EFCAB7: variants seen among roughly 807,000 people sequenced by gnomAD.
EFCAB7 encodes EF-hand calcium binding domain 7.
Under a neutral mutation model 77.1 loss-of-function variants are expected in EFCAB7, and 66 were observed. That is an observed-to-expected ratio of 0.86 (90% CI 0.70 to 1.05). The LOEUF (loss-of-function observed/expected upper bound fraction) is 1.05, where lower values mean the gene tolerates loss of function less well. Ranked by LOEUF, EFCAB7 falls within the 50% of genes least tolerant of loss-of-function variation. The probability of loss-of-function intolerance (pLI) is 0.00; values close to 1 mark genes in which losing one functional copy is unlikely to be tolerated. For synonymous variants in EFCAB7, 225 were observed against 243.3 expected (o/e 0.92, Z 0.70); for missense variants, 638 against 730.5 (o/e 0.87, Z 1.46).
intron 12 of EFCAB7, chr1:63,569,146 C>T (rs926135335): frequency 1.3e-5 from 2 of 152,172 alleles, no homozygotes; most frequent in African/African-American, 4.8e-5. Context: ...GCTAGGTGCT[C>T]AGTACTGTTG....
chr1:63,573,473 T>A (rs1647325300), downstream of EFCAB7, among the ~76,000 whole-genome samples: 1 of 152,136 alleles, frequency 6.6e-6, no homozygotes, highest in East Asian at 1.9e-4. Flanking sequence ...CCAAGGAGGT[T>A]CAGCATAGCC....
At chr1:63,525,156 C>G (rs72679079) in intron 1 of EFCAB7, among the ~76,000 whole-genome samples, 2,809 of 152,226 alleles carry the variant, frequency 0.018, 36 homozygotes, top group Middle Eastern at 0.041. Flanking sequence ...CATGTATTAA[C>G]TGATTTGCTC....
intron 3 of EFCAB7, 124 bp downstream of exon 3, chr1:63,532,155 A>G: frequency 1.4e-6 from 1 of 707,020 alleles, no homozygotes; most frequent in Non-Finnish European, 2.4e-6. Flanking sequence ...AATTACTTAC[A>G]TGTTATTTAT....
intron 11 of EFCAB7, among the ~76,000 whole-genome samples, chr1:63,562,476 TATATATATATATATATATAA>T (rs1647118393): frequency 1.9e-5 from 2 of 107,748 alleles, no homozygotes; most frequent in African/African-American, 9.1e-5. Context: ...TATATATATA[TATATATATATATATATATAA>T]AACTTTTTTT....
At chr1:63,579,216 C>T in the EFCAB7 span, among the ~76,000 whole-genome samples, 1 of 152,172 alleles carries the variant, frequency 6.6e-6, no homozygotes, top group Non-Finnish European at 1.5e-5. Context: ...GTCACATCCC[C>T]ATGACCTTAC....
Position 63,533,437 on chromosome 1 carries a change from C to T in EFCAB7, c.487-17C>T. 6.5e-7 allele frequency: 1 copy of T among 1,548,588 alleles called. No individual in the cohort carries two copies. The highest frequency in any genetic ancestry group is 1.4e-5 in the African/African-American group (1 of 72,076). ...ATGATTGAATGTTTTACCCACTGGACTTTTTTTTTCCTGTAGTTTTGTAAA... is the reference window on the plus strand; with the variant it reads ...ATGATTGAATGTTTTACCCACTGGATTTTTTTTTTCCTGTAGTTTTGTAAA... On this transcript the variant is annotated splice_polypyrimidine_tract_variant and intron_variant, in intron 4 of 13. Coordinates refer to ENST00000371088, the MANE Select transcript of EFCAB7 (RefSeq NM_032437.4).
At chr1:63,554,153 A>C (rs1433750381) in intron 8 of EFCAB7, among the ~76,000 whole-genome samples, 1 of 152,012 alleles carries the variant, frequency 6.6e-6, no homozygotes, top group East Asian at 1.9e-4. Flanking sequence ...GAATTTTTGG[A>C]CATAATACGT....
chr1:63,541,651 G>A (rs946566360), intron 6 of EFCAB7, among the ~76,000 whole-genome samples: 7 of 151,724 alleles, frequency 4.6e-5, no homozygotes, highest in African/African-American at 1.5e-4. Flanking sequence ...TGCAACCTCC[G>A]CCTCCCGGTT....
intron 10 of EFCAB7, among the ~76,000 whole-genome samples, chr1:63,557,531 C>T (rs1300121863): frequency 2.6e-5 from 4 of 152,094 alleles, no homozygotes; most frequent in Non-Finnish European, 2.9e-5. Flanking sequence ...CTTGTCCTTG[C>T]GCTTGATACC....
chr1:63,571,411 C>T (rs1460256470), intron 13 of EFCAB7, among the ~76,000 whole-genome samples: 5 of 152,014 alleles, frequency 3.3e-5, no homozygotes, highest in South Asian at 2.1e-4. Flanking sequence ...CGGTGGCTCA[C>T]GCCTGTAATC....
intron 10 of EFCAB7, among the ~76,000 whole-genome samples, chr1:63,557,503 G>A (rs984629375): frequency 2.0e-5 from 3 of 152,088 alleles, no homozygotes; most frequent in African/African-American, 7.2e-5. Context: ...TACTCTTCGG[G>A]GTTTAGAAGA....
In EFCAB7 at chr1:63,551,944, T is replaced by A. The variant is rs1011565617; in HGVS notation, c.1056+110T>A. The A allele has an allele frequency of 4.3e-5, 20 of 464,892 alleles. No individual in the cohort carries two copies. In the South Asian group the frequency reaches 1.1e-3, roughly 25 times the overall value. The allele number at this position is 464,892 out of a possible 1,614,324, so 28.8% of individuals were successfully genotyped here. A position where few individuals can be genotyped will look rare whatever the true frequency, so the allele number is the denominator to read the frequency against. ...TTTAAGCTTTCATATACCTTCCAAT[T>A]AAGGTATAAACAGCACTTAAACACT... is the stretch of plus-strand genomic sequence containing the variant. On this transcript the variant is annotated intron_variant, in intron 8 of 13. Coordinates refer to ENST00000371088, the MANE Select transcript of EFCAB7 (RefSeq NM_032437.4).
the EFCAB7 span, among the ~76,000 whole-genome samples, chr1:63,577,862 G>A: frequency 6.6e-6 from 1 of 152,176 alleles, no homozygotes; most frequent in Non-Finnish European, 1.5e-5. Flanking sequence ...GTAGATGAAA[G>A]TAGATGAAAA....
At chr1:63,568,637 A>AAACATTAT in intron 12 of EFCAB7, 118 bp downstream of exon 12, 1 of 690,048 alleles carries the variant, frequency 1.4e-6, no homozygotes, top group Non-Finnish European at 2.2e-6. Context: ...AATAATGTTT[A>AAACATTAT]TAATGCATAA....
intron 3 of EFCAB7, 99 bp downstream of exon 3, chr1:63,532,130 TTGAGAGGTTAAA>T: frequency 1.2e-6 from 1 of 852,386 alleles, no homozygotes; most frequent in Admixed American, 2.7e-5. Context: ...AAGTATTTCA[TTGAGAGGTTAAA>T]TGAATTACTT....
the EFCAB7 span, among the ~76,000 whole-genome samples, chr1:63,581,062 C>CT: frequency 6.6e-6 from 1 of 151,798 alleles, no homozygotes; most frequent in Admixed American, 6.6e-5. Context: ...CCTTTTATGT[C>CT]TTTTTTCTTG....
At chr1:63,528,997 T>G (rs956371395) in intron 2 of EFCAB7, 1 of 152,170 alleles carries the variant, frequency 6.6e-6, no homozygotes, top group Non-Finnish European at 1.5e-5. Context: ...TACATCTACT[T>G]GTATTCCCAG....
chr1:63,549,326 A>AG, intron 7 of EFCAB7: 1 of 470,344 alleles, frequency 2.1e-6, no homozygotes, highest in Non-Finnish European at 4.4e-6. Context: ...GTCTTTTGAA[A>AG]GGTGTACTGC....
intron 10 of EFCAB7, among the ~76,000 whole-genome samples, chr1:63,560,102 G>A (rs979220441): frequency 3.3e-5 from 5 of 151,838 alleles, no homozygotes; most frequent in African/African-American, 7.3e-5. Context: ...ACAGGTACCC[G>A]CCACCACGCC....
Sources: allele counts gnomAD v4.1 joint callset (sites outside exome capture counted in the v4.1 genomes callset), GRCh38; gene constraint gnomAD v4.1.1; transcripts MANE v1.5; gene names NCBI Gene and HGNC (gene_info 2026-07-23, HGNC 2026-07-21).